Variants in CCDC63 observed in about 807,000 individuals in gnomAD.
CCDC63 encodes the protein coiled-coil domain-containing protein 63.
CCDC63 carries 54 observed loss-of-function variants against 63.6 expected under a neutral mutation model. That is an observed-to-expected ratio of 0.85 (90% CI 0.68 to 1.07). CCDC63 has a LOEUF of 1.07. Ranked by LOEUF, CCDC63 falls within the 50% of genes least tolerant of loss-of-function variation. The pLI, the probability that CCDC63 is intolerant of heterozygous loss-of-function variation, is 0.00. For missense variants in CCDC63, 637 were observed against 689.6 expected, an observed-to-expected ratio of 0.92 and a Z score of 0.86; for synonymous variants, 253 against 266.1, an observed-to-expected ratio of 0.95 and a Z score of 0.48.
rs1159777235 is a variant in CCDC63, at chr12:110,881,258, A to G, written c.815A>G (p.Asp272Gly). Residue 272 changes from aspartate to glycine, a missense_variant, in exon 7 of 12, where the codon GAT becomes GGT. By Grantham distance (94) the Asp-to-Gly change is moderately conservative. Coordinates refer to ENST00000308208, the MANE Select transcript of CCDC63 (RefSeq NM_152591.3). ...LKSFLLVKLN[D>G]RNEFEEQAKR... ...TCCTTCCTGCTCGTCAAGCTGAATGATCGCAATGAATTCGAGGAGCAGGCC... is the reference window on the plus strand; with the variant it reads ...TCCTTCCTGCTCGTCAAGCTGAATGGTCGCAATGAATTCGAGGAGCAGGCC... 3 of 1,613,798 alleles carry G rather than the reference A, an allele frequency of 1.9e-6. No homozygotes were observed. The highest frequency in any genetic ancestry group is 2.5e-6 in the Non-Finnish European group (3 of 1,179,878).
In CCDC63 at chr12:110,889,136, G is replaced by A. The variant is rs183280102; in HGVS notation, c.1075-3940G>A. 1.0e-3 allele frequency among the ~76,000 whole-genome samples: 154 copies of A among 152,224 alleles called. No homozygotes were observed. The highest frequency in any genetic ancestry group is 3.2e-3 in the African/African-American group (135 of 41,556). On this transcript the variant is annotated intron_variant, in intron 8 of 11. Transcript: ENST00000308208. This position sits in a 1 kb window ranked among gnomAD's most constrained non-coding sequence, Gnocchi z 4.1. Reference sequence around the variant, plus strand: ...TGTAACATAGTTATTATCATATAAAGTTGTGTATCTGATTGAAGCAAATGT... The same window carrying A: ...TGTAACATAGTTATTATCATATAAAATTGTGTATCTGATTGAAGCAAATGT...
intron 10 of CCDC63, among the ~76,000 whole-genome samples, chr12:110,902,555 T>C (rs1051881030): frequency 6.6e-6 from 1 of 152,064 alleles, no homozygotes; most frequent in Non-Finnish European, 1.5e-5. Flanking sequence ...CCCACCCATC[T>C]GAAGCTTCAC....
chr12:110,870,240 C>A (rs1172305156), intron 4 of CCDC63, among the ~76,000 whole-genome samples: 1 of 152,148 alleles, frequency 6.6e-6, no homozygotes, highest in Non-Finnish European at 1.5e-5. Context: ...CACCACCATG[C>A]CTGGCTAATT....
At chr12:110,853,300 G>C in intron 2 of CCDC63, 105 bp from the exon 3 acceptor site, 1 of 1,158,108 alleles carries the variant, frequency 8.6e-7, no homozygotes, top group South Asian at 1.6e-5. Context: ...TCCACTTCTA[G>C]CCATGGCCCA....
In CCDC63 at chr12:110,889,332, T is replaced by TA. The variant is rs761892608; in HGVS notation, c.1075-3743dup. On this transcript the variant is annotated intron_variant, in intron 8 of 11. Transcript: ENST00000308208. The surrounding 1 kb of genome is among the most constrained non-coding windows in gnomAD (Gnocchi z 4.1). ...GACAATAAACAACAAGCCCAATACTTACGTAAGTTATAGAGTAAGTTAGAA... is the reference window on the plus strand; with the variant it reads ...GACAATAAACAACAAGCCCAATACTTAACGTAAGTTATAGAGTAAGTTAGAA... 1.1e-4 allele frequency among the ~76,000 whole-genome samples: 16 copies of TA among 152,058 alleles called. No individual in the cohort carries two copies. Among genetic ancestry groups the TA allele is most frequent in the Non-Finnish European group, 2.4e-4 (16 of 68,020 alleles).
chr12:110,907,254 A>G lies in CCDC63; in HGVS notation c.1547-77A>G. ...CATGCTCCACTCCCCAGTGCTATGGAGGGACGCCAAACCAGGCTTAGCCCC... is the reference window on the plus strand; with the variant it reads ...CATGCTCCACTCCCCAGTGCTATGGGGGGACGCCAAACCAGGCTTAGCCCC... On this transcript the variant is annotated intron_variant, in intron 11 of 11. Coordinates refer to ENST00000308208, the MANE Select transcript of CCDC63 (RefSeq NM_152591.3). The surrounding 1 kb of genome is among the most constrained non-coding windows in gnomAD (Gnocchi z 4.4). 1 of 1,461,916 alleles carries G rather than the reference A, an allele frequency of 6.8e-7. No individual in the cohort carries two copies. Among genetic ancestry groups the G allele is most frequent in the Non-Finnish European group, 9.3e-7 (1 of 1,071,476 alleles). 90.6% of individuals were successfully genotyped at this position (1,461,916 alleles called of 1,614,324 possible). A position where few individuals can be genotyped will look rare whatever the true frequency, so the allele number is the denominator to read the frequency against.
intron 10 of CCDC63, among the ~76,000 whole-genome samples, chr12:110,900,345 A>G (rs1184757666): frequency 6.6e-6 from 1 of 152,176 alleles, no homozygotes; most frequent in Non-Finnish European, 1.5e-5. Context: ...TGCTGTCACC[A>G]TGCCTATTCA....
intron 4 of CCDC63, among the ~76,000 whole-genome samples, chr12:110,868,396 G>A (rs1381688391): frequency 6.7e-6 from 1 of 149,938 alleles, no homozygotes; most frequent in Non-Finnish European, 1.5e-5. Flanking sequence ...GGAGGTGTAG[G>A]TTGTAGCGAG....
At chr12:110,876,153 T>TG (rs1386797791) in intron 5 of CCDC63, among the ~76,000 whole-genome samples, 1 of 151,424 alleles carries the variant, frequency 6.6e-6, no homozygotes, top group Non-Finnish European at 1.5e-5. Context: ...AAGGCAATTT[T>TG]GGGGTCTCAG....
At chr12:110,845,352 C>T (rs1321371255), upstream of CCDC63, among the ~76,000 whole-genome samples, 1 of 152,096 alleles carries the variant, frequency 6.6e-6, no homozygotes, top group African/African-American at 2.4e-5. Flanking sequence ...AGATTTGGGG[C>T]TGTGGTTTCA....
chr12:110,872,308 C>T (rs2071077792), intron 4 of CCDC63, among the ~76,000 whole-genome samples: 1 of 152,162 alleles, frequency 6.6e-6, no homozygotes, highest in African/African-American at 2.4e-5. Flanking sequence ...GGTAGTGGGC[C>T]AGATTTGACC....
chr12:110,881,724 A>G (rs1247750174), intron 7 of CCDC63, among the ~76,000 whole-genome samples: 1 of 152,086 alleles, frequency 6.6e-6, no homozygotes, highest in Non-Finnish European at 1.5e-5. Flanking sequence ...TCTCAAAAAA[A>G]AAATGCCTAG....
At position 110,889,077 on chromosome 12, in the gene CCDC63, G is replaced by A. The variant is rs557434742; in HGVS notation, c.1075-3999G>A. Among the ~76,000 whole-genome samples, 1 of 152,114 alleles carries A rather than the reference G, an allele frequency of 6.6e-6. No individual in the cohort carries two copies. Among genetic ancestry groups the A allele is most frequent in the African/African-American group, 2.4e-5 (1 of 41,502 alleles). ...TGCAGAGATGAGGTTTCAGTGTGTT[G>A]CCCAGGCTGGTGTCAATGGTTGTGC... On this transcript the variant is annotated intron_variant, in intron 8 of 11. Coordinates refer to ENST00000308208, the MANE Select transcript of CCDC63 (RefSeq NM_152591.3). The surrounding 1 kb of genome is among the most constrained non-coding windows in gnomAD (Gnocchi z 4.1).
In CCDC63 at chr12:110,884,062, AG is replaced by A; in HGVS notation, c.890del (p.Gly297GlufsTer15). 1 of 1,614,048 alleles carries A rather than the reference AG, an allele frequency of 6.2e-7. No individual in the cohort carries two copies. The highest frequency in any genetic ancestry group is 8.5e-7 in the Non-Finnish European group (1 of 1,179,964). ...GGCAAAGAAGCATGTCAAGAAGAACAGGGGAGAGAGTTTTGAGAGCTATGAG... is the reference window on the plus strand; with the variant it reads ...GGCAAAGAAGCATGTCAAGAAGAACAGGGAGAGAGTTTTGAGAGCTATGAG... ...LKAKKHVKKN[R>X]GESFESYEVA... On this transcript the variant is annotated frameshift_variant, in exon 8 of 12. Transcript: ENST00000308208. LOFTEE classifies it high-confidence loss of function.
At chr12:110,860,556 C>T (rs1051286984) in intron 4 of CCDC63, among the ~76,000 whole-genome samples, 3 of 152,122 alleles carry the variant, frequency 2.0e-5, no homozygotes, top group East Asian at 1.9e-4. Context: ...TATAAAGAAA[C>T]GGCTGAAACA....
At chr12:110,887,544 G>A (rs972332515) in intron 8 of CCDC63, among the ~76,000 whole-genome samples, 2 of 152,126 alleles carry the variant, frequency 1.3e-5, no homozygotes, top group Non-Finnish European at 2.9e-5. Context: ...AGGAGTGGCG[G>A]TGGGATGGGC....
At position 110,854,840 on chromosome 12, in the gene CCDC63, C is replaced by A. The variant is rs151040589; in HGVS notation, c.179+1266C>A. Among the ~76,000 whole-genome samples, 1,010 of 152,066 alleles carry A rather than the reference C, an allele frequency of 6.6e-3. 8 individuals are homozygous for A. The highest frequency in any genetic ancestry group is 0.017 in the South Asian group (80 of 4,796). On this transcript the variant is annotated intron_variant, in intron 3 of 11. Transcript: ENST00000308208. ...TTGAGACAGGGTCTGGCTCTGTAAC[C>A]CAGGCTGGAGTGCAGTGGTGCCATC...
At position 110,890,622 on chromosome 12, in the gene CCDC63, C is replaced by T. The variant is rs188860641; in HGVS notation, c.1075-2454C>T. ...GGCAGTGTGTGGTTACACGTTTGCA[C>T]ACATAGACAGACACACACACACACG... On this transcript the variant is annotated intron_variant, in intron 8 of 11. Transcript: ENST00000308208. Among the ~76,000 whole-genome samples the T allele has an allele frequency of 5.1e-5, 7 of 136,234 alleles. No individual in the cohort carries two copies. In the Admixed American group the frequency reaches 5.2e-4, roughly 10 times the overall value. The allele number at this position is 136,234 out of a possible 152,430, so 89.4% of individuals were successfully genotyped here.
At chr12:110,862,911 A>G (rs569742349) in intron 4 of CCDC63, among the ~76,000 whole-genome samples, 1 of 152,034 alleles carries the variant, frequency 6.6e-6, no homozygotes, top group East Asian at 1.9e-4. Context: ...ACCCGCCACC[A>G]TGCCTGGTTA....
Sources: allele counts gnomAD v4.1 joint callset (sites outside exome capture counted in the v4.1 genomes callset), GRCh38; gene constraint gnomAD v4.1.1; non-coding constraint Gnocchi (gnomAD v3.1); transcripts MANE v1.5; gene names NCBI Gene and HGNC (gene_info 2026-07-23, HGNC 2026-07-21).